Variants in TTC28 observed in about 807,000 individuals in gnomAD.
The protein encoded by TTC28 is tetratricopeptide repeat protein 28.
In TTC28, 61 loss-of-function variants were observed where a neutral mutation model predicts 198.0. The observed-to-expected ratio is 0.31, with a 90% confidence interval of 0.25 to 0.38. TTC28 has a LOEUF of 0.38. Ranked by LOEUF, TTC28 falls within the 10% of genes least tolerant of loss-of-function variation. TTC28 has a pLI of 1.00. For synonymous variants in TTC28, 1,171 were observed against 1,297.8 expected (o/e 0.90, Z 2.10); for missense variants, 2,678 against 3,164.0 (o/e 0.85, Z 3.69).
At chr22:28,296,368 T>C (rs1448281928) in intron 4 of TTC28, 40 bp from the exon 5 acceptor site, 14 of 1,471,578 alleles carry the variant, frequency 9.5e-6, no homozygotes, top group East Asian at 2.5e-5. Flanking sequence ...AAAATTTCTC[T>C]AAGTTATAAT....
At position 28,028,109 on chromosome 22, in the gene TTC28, C is replaced by T. The variant is rs569631121; in HGVS notation, c.4073+2117G>A. Reference sequence around the variant, plus strand: ...GCTTACCACATTGAAGCGAGAAGAACGCCGGCTATTTCCCTCATCCAAAGG... The same window carrying T: ...GCTTACCACATTGAAGCGAGAAGAATGCCGGCTATTTCCCTCATCCAAAGG... On this transcript the variant is annotated intron_variant, in intron 13 of 22. Coordinates refer to ENST00000397906, the MANE Select transcript of TTC28 (RefSeq NM_001145418.2). 6.3e-4 allele frequency among the ~76,000 whole-genome samples: 96 copies of T among 152,310 alleles called. 1 individual carries two copies. The highest frequency in any genetic ancestry group is 1.0e-3 in the Non-Finnish European group (70 of 68,032).
At chr22:27,989,607 C>T (rs1031502004) in intron 21 of TTC28, among the ~76,000 whole-genome samples, 2 of 151,972 alleles carry the variant, frequency 1.3e-5, no homozygotes, top group South Asian at 2.1e-4. Flanking sequence ...CCACCATGCC[C>T]GGCTAATTTT....
intron 5 of TTC28, among the ~76,000 whole-genome samples, chr22:28,273,924 G>T (rs1932249146): frequency 1.3e-5 from 2 of 151,996 alleles, no homozygotes; most frequent in South Asian, 2.1e-4. Context: ...CAACCCAAAA[G>T]AATACATAAA....
At chr22:28,439,121 A>T (rs1055397233) in intron 2 of TTC28, among the ~76,000 whole-genome samples, 1 of 152,228 alleles carries the variant, frequency 6.6e-6, no homozygotes, top group Non-Finnish European at 1.5e-5. Context: ...TATATTGAGC[A>T]ACTATATTAT....
chr22:28,573,921 T>C (rs2050101927), intron 2 of TTC28, among the ~76,000 whole-genome samples: 1 of 152,182 alleles, frequency 6.6e-6, no homozygotes, highest in Non-Finnish European at 1.5e-5. Flanking sequence ...TTAATGTTTT[T>C]AGCTCCCATA....
chr22:28,081,736 C>T (rs535315932), intron 12 of TTC28, among the ~76,000 whole-genome samples: 1 of 152,314 alleles, frequency 6.6e-6, no homozygotes, highest in East Asian at 1.9e-4. Flanking sequence ...AGATGATTCA[C>T]CCGCCTCAGC....
At chr22:28,457,232 T>C (rs937500450) in intron 2 of TTC28, among the ~76,000 whole-genome samples, 4 of 152,222 alleles carry the variant, frequency 2.6e-5, no homozygotes, top group Non-Finnish European at 4.4e-5. Context: ...CTAATCTTTT[T>C]CTTAATAACA....
At position 28,472,166 on chromosome 22, in the gene TTC28, A is replaced by G. The variant is rs536616320; in HGVS notation, c.381+157386T>C. On this transcript the variant is annotated intron_variant, in intron 2 of 22. Coordinates refer to ENST00000397906, the MANE Select transcript of TTC28 (RefSeq NM_001145418.2). ...TGTATCTATCATTCTATTAATTTAC[A>G]TCAAACATTATATCTATCTATCACG... is the stretch of plus-strand genomic sequence containing the variant. 4.6e-5 allele frequency among the ~76,000 whole-genome samples: 7 copies of G among 152,330 alleles called. No individual in the cohort carries two copies. The East Asian group carries it at 1.2e-3, about 25-fold the overall frequency.
chr22:28,593,054 G>A (rs931624869), intron 2 of TTC28, among the ~76,000 whole-genome samples: 1 of 151,946 alleles, frequency 6.6e-6, no homozygotes, highest in Non-Finnish European at 1.5e-5. Context: ...GGTGGCTGGA[G>A]GCAGGGAAGC....
At chr22:28,271,055 A>C (rs1173593078) in intron 5 of TTC28, among the ~76,000 whole-genome samples, 1 of 152,092 alleles carries the variant, frequency 6.6e-6, no homozygotes, top group Non-Finnish European at 1.5e-5. Flanking sequence ...ACGACTATCC[A>C]AGCATTCTTA....
intron 5 of TTC28, among the ~76,000 whole-genome samples, chr22:28,215,969 G>T (rs924514137): frequency 1.8e-4 from 28 of 152,122 alleles, no homozygotes; most frequent in African/African-American, 6.3e-4. Flanking sequence ...ATACCAAAAA[G>T]TACTGTGAAT....
intron 2 of TTC28, among the ~76,000 whole-genome samples, chr22:28,311,098 G>A (rs146069824): frequency 1.3e-5 from 2 of 152,050 alleles, no homozygotes; most frequent in Admixed American, 6.5e-5. Flanking sequence ...ATTCTTAGTC[G>A]ATATTTCAAA....
intron 5 of TTC28, among the ~76,000 whole-genome samples, chr22:28,186,732 G>A (rs1924241280): frequency 6.6e-6 from 1 of 152,158 alleles, no homozygotes; most frequent in African/African-American, 2.4e-5. Flanking sequence ...CTGGGATTAG[G>A]AATGGTTTAC....
intron 12 of TTC28, among the ~76,000 whole-genome samples, chr22:28,052,337 G>A (rs1474366933): frequency 2.0e-5 from 3 of 152,078 alleles, no homozygotes; most frequent in Non-Finnish European, 4.4e-5. Flanking sequence ...TCCTCACAAT[G>A]ACCCATCAAG....
rs71194774 is a variant in TTC28, at chr22:28,552,763, GCCTCCC to G, written c.381+76783_381+76788del. ...TCAAAGCCTCTCCCTCTCCCTCTCCGCCTCCCCCTCCCCCTCCCCCTCTCCCCACGG... is the reference window on the plus strand; with the variant it reads ...TCAAAGCCTCTCCCTCTCCCTCTCCGCCTCCCCCTCCCCCTCTCCCCACGG... On this transcript the variant is annotated intron_variant, in intron 2 of 22. Transcript: ENST00000397906. 6.9e-5 allele frequency among the ~76,000 whole-genome samples: 9 copies of G among 130,128 alleles called. 1 individual carries two copies. The highest frequency in any genetic ancestry group is 4.9e-4 in the East Asian group (2 of 4,114). 85.4% of individuals were successfully genotyped at this position (130,128 alleles called of 152,430 possible).
At chr22:28,145,465 A>T (rs1344306483) in intron 6 of TTC28, among the ~76,000 whole-genome samples, 1 of 152,114 alleles carries the variant, frequency 6.6e-6, no homozygotes, top group East Asian at 1.9e-4. Context: ...TTACTCCGAG[A>T]TCAATGAACG....
In TTC28 at chr22:27,990,001, G is replaced by T; in HGVS notation, c.5584C>A (p.Gln1862Lys). The change falls in exon 21 of 23, where the codon CAG (glutamine) becomes AAG (lysine). Residue 1862 changes from glutamine to lysine, a missense_variant. Physicochemically the swap from Gln to Lys is moderately conservative, Grantham distance 53. Coordinates refer to ENST00000397906, the MANE Select transcript of TTC28 (RefSeq NM_001145418.2). ...AVKNMVGMLH[Q>K]VLVQLQAGEK... ...CCAGCCTGGAGCTGAACCAGCACCT[G>T]GTGGAGCTGAGGAAGGGGGGACAGC... The T allele has an allele frequency of 6.4e-7, 1 of 1,550,558 alleles. No homozygotes were observed. Among genetic ancestry groups the T allele is most frequent in the South Asian group, 1.2e-5 (1 of 84,014 alleles).
chr22:28,439,395 T>G (rs1315640000), intron 2 of TTC28, among the ~76,000 whole-genome samples: 4 of 152,200 alleles, frequency 2.6e-5, no homozygotes, highest in Non-Finnish European at 5.9e-5. Context: ...TATCTAGAAG[T>G]GACGGAGCAA....
intron 2 of TTC28, among the ~76,000 whole-genome samples, chr22:28,480,125 G>A (rs542144337): frequency 1.3e-5 from 2 of 152,260 alleles, no homozygotes; most frequent in South Asian, 4.1e-4. Flanking sequence ...TGAACTGTCA[G>A]TCACAATGAT....
Sources: allele counts gnomAD v4.1 joint callset (sites outside exome capture counted in the v4.1 genomes callset), GRCh38; gene constraint gnomAD v4.1.1; transcripts MANE v1.5; gene names NCBI Gene and HGNC (gene_info 2026-07-23, HGNC 2026-07-21).